Variants in GFRA1 observed in about 807,000 individuals in gnomAD.
GFRA1 encodes GDNF family receptor alpha-1.
In GFRA1, 16 loss-of-function variants were observed where a neutral mutation model predicts 51.6. The observed-to-expected ratio is 0.31, with a 90% CI of 0.21 to 0.47. The LOEUF (loss-of-function observed/expected upper bound fraction) is 0.47. Ranked by LOEUF, GFRA1 falls within the 20% of genes least tolerant of loss-of-function variation. The pLI, the probability that GFRA1 is intolerant of heterozygous loss-of-function variation, is 1.00. For synonymous variants in GFRA1, 270 were observed against 241.3 expected, an observed-to-expected ratio of 1.12 and a Z score of -1.10; for missense variants, 530 against 594.3, an observed-to-expected ratio of 0.89 and a Z score of 1.13.
chr10:116,114,134 C>G (rs1957319735), intron 6 of GFRA1, among the ~76,000 whole-genome samples: 1 of 152,162 alleles, frequency 6.6e-6, no homozygotes, highest in Non-Finnish European at 1.5e-5. Flanking sequence ...TGCTGGATCC[C>G]TCACATCACT....
At chr10:116,075,641 C>CCTTTT (rs1955585934) in intron 9 of GFRA1, among the ~76,000 whole-genome samples, 1 of 152,020 alleles carries the variant, frequency 6.6e-6, no homozygotes, top group Non-Finnish European at 1.5e-5. Context: ...ATGATAGTCT[C>CCTTTT]CTTTTCTTAA....
chr10:116,258,759 C>A (rs905488490), intron 4 of GFRA1, among the ~76,000 whole-genome samples: 12 of 152,090 alleles, frequency 7.9e-5, no homozygotes, highest in Non-Finnish European at 1.3e-4. Context: ...ATCCACCAAC[C>A]AAATGGGGCT....
chr10:116,150,281 G>A (rs1366933671), intron 5 of GFRA1, among the ~76,000 whole-genome samples: 2 of 151,976 alleles, frequency 1.3e-5, no homozygotes, highest in Non-Finnish European at 2.9e-5. Flanking sequence ...TTTGATAACC[G>A]AGCTTCCTCT....
intron 5 of GFRA1, among the ~76,000 whole-genome samples, chr10:116,178,877 T>C (rs1589848850): frequency 2.0e-5 from 3 of 152,262 alleles, no homozygotes; most frequent in African/African-American, 7.2e-5. Flanking sequence ...GAGAAGAATC[T>C]CAGTCGGTCC....
At chr10:116,176,814 C>T (rs1049613211) in intron 5 of GFRA1, among the ~76,000 whole-genome samples, 7 of 145,586 alleles carry the variant, frequency 4.8e-5, no homozygotes, top group African/African-American at 7.5e-5. Flanking sequence ...AGATAAGACT[C>T]TGTGACAGTC....
chr10:116,186,420 C>A (rs974486308), intron 5 of GFRA1, among the ~76,000 whole-genome samples: 5 of 152,184 alleles, frequency 3.3e-5, no homozygotes, highest in Admixed American at 1.3e-4. Context: ...CCACTGAGCA[C>A]AGTTTTGCCA....
chr10:116,218,735 G>C (rs1442711018), intron 4 of GFRA1, among the ~76,000 whole-genome samples: 1 of 152,148 alleles, frequency 6.6e-6, no homozygotes, highest in Non-Finnish European at 1.5e-5. Context: ...ATAGCTTTAA[G>C]GACTAACCGG....
chr10:116,120,770 G>A (rs543907739), intron 6 of GFRA1, among the ~76,000 whole-genome samples: 1 of 152,322 alleles, frequency 6.6e-6, no homozygotes, highest in South Asian at 2.1e-4. Flanking sequence ...CTGCATAGGT[G>A]AGTATAAACT....
chr10:116,141,139 T>C (rs1268299033), intron 5 of GFRA1, among the ~76,000 whole-genome samples: 1 of 152,350 alleles, frequency 6.6e-6, no homozygotes, highest in Admixed American at 6.5e-5. Flanking sequence ...TCACTTGTGT[T>C]GAATGACAGT....
chr10:116,130,904 A>C (rs1439768183), intron 5 of GFRA1, among the ~76,000 whole-genome samples: 2 of 152,150 alleles, frequency 1.3e-5, no homozygotes, highest in Non-Finnish European at 2.9e-5. Context: ...TAACCATAAA[A>C]GATAAAAAGT....
intron 4 of GFRA1, among the ~76,000 whole-genome samples, chr10:116,217,562 A>T (rs1201805692): frequency 1.3e-5 from 2 of 152,260 alleles, no homozygotes; most frequent in African/African-American, 4.8e-5. Flanking sequence ...TCAAAAGCAT[A>T]TATGTAAAGC....
rs766823794 is a variant in GFRA1 at position 116,272,061 on chromosome 10, CA to C, written c.-33del. 5 of 1,541,466 alleles carry C rather than the reference CA, an allele frequency of 3.2e-6. No individual in the cohort carries two copies. Among genetic ancestry groups the C allele is most frequent in the Non-Finnish European group, 3.5e-6 (4 of 1,139,918 alleles). On this transcript the variant is annotated 5_prime_UTR_variant, in exon 2 of 11. Transcript: ENST00000355422. The surrounding 1 kb of genome is among the most constrained non-coding windows in gnomAD (Gnocchi z 4.4). ...GGCGCGGGGCTGGTCCCCGCCCCCC[CA>C]AAAAAATCCCGAGCCGCCGCTGGGT...
chr10:116,238,341 G>T (rs1224945104), intron 4 of GFRA1, among the ~76,000 whole-genome samples: 1 of 152,138 alleles, frequency 6.6e-6, no homozygotes, highest in African/African-American at 2.4e-5. Context: ...CTAAGTGTTA[G>T]AAGAACAATG....
intron 4 of GFRA1, among the ~76,000 whole-genome samples, chr10:116,232,735 T>C (rs1178828665): frequency 6.6e-6 from 1 of 152,200 alleles, no homozygotes; most frequent in Non-Finnish European, 1.5e-5. Context: ...GCAATCAGAA[T>C]TGTTATGTGA....
At chr10:116,145,148 CAAAAA>C (rs58509181) in intron 5 of GFRA1, among the ~76,000 whole-genome samples, 5 of 28,738 alleles carry the variant, frequency 1.7e-4, no homozygotes, top group Non-Finnish European at 2.3e-4. Context: ...GACTCTGTCT[CAAAAA>C]AAAAAAAAAA....
At chr10:116,271,278 C>T (rs1843911861) in intron 2 of GFRA1, among the ~76,000 whole-genome samples, 163 bp from the exon 3 acceptor site, 2 of 152,116 alleles carry the variant, frequency 1.3e-5, no homozygotes, top group African/African-American at 4.8e-5. Context: ...AGTCCATTTT[C>T]CCGCCCCCTG....
chr10:116,070,130 C>T (rs1255479646), intron 9 of GFRA1, among the ~76,000 whole-genome samples: 2 of 152,188 alleles, frequency 1.3e-5, no homozygotes, highest in Non-Finnish European at 2.9e-5. Context: ...GTCCAGTCTG[C>T]AGCCAAATAG....
chr10:116,111,711 A>C (rs746879564), intron 6 of GFRA1, among the ~76,000 whole-genome samples: 1 of 152,186 alleles, frequency 6.6e-6, no homozygotes, highest in African/African-American at 2.4e-5. Context: ...GGCAGCAGGG[A>C]ATGGTAAGCC....
At chr10:116,128,595 G>A (rs190159731) in intron 5 of GFRA1, among the ~76,000 whole-genome samples, 346 of 151,908 alleles carry the variant, frequency 2.3e-3, no homozygotes, top group African/African-American at 7.9e-3. Context: ...GCTTGGTGGC[G>A]GGCGCCTGTA....
Sources: gnomAD v4.1 joint callset for allele counts (sites outside exome capture counted in the v4.1 genomes callset) on GRCh38, gnomAD v4.1.1 for gene constraint, Gnocchi (gnomAD v3.1) non-coding constraint, MANE v1.5 for transcripts, NCBI Gene and HGNC (gene_info 2026-07-23, HGNC 2026-07-21) for gene names.